The following LYPD6B variants were observed in gnomAD, a reference collection of about 807,000 sequenced individuals.
The protein encoded by LYPD6B is ly6/PLAUR domain-containing protein 6B.
A neutral mutation model predicts 22.8 loss-of-function variants in LYPD6B; 17 were observed. The ratio of observed to expected loss-of-function variants is 0.75; its 90% CI spans 0.51 to 1.12. The LOEUF (loss-of-function observed/expected upper bound fraction) is 1.12, where lower values mean the gene tolerates loss of function less well. Ranked by LOEUF, LYPD6B falls within the 50% of genes most tolerant of loss-of-function variation. LYPD6B has a pLI of 0.00. For missense variants in LYPD6B, 221 were observed against 258.3 expected, an observed-to-expected ratio of 0.86 and a Z score of 0.99; for synonymous variants, 106 against 91.6, an observed-to-expected ratio of 1.16 and a Z score of -0.90.
chr2:149,200,996 T>C (rs554998315), intron 3 of LYPD6B, among the ~76,000 whole-genome samples: 15 of 152,322 alleles, frequency 9.8e-5, no homozygotes, highest in African/African-American at 3.4e-4. Context: ...TGGATGAAGG[T>C]AATAAGCTCT....
chr2:149,184,375 C>T (rs897973440), intron 3 of LYPD6B, among the ~76,000 whole-genome samples: 1 of 152,128 alleles, frequency 6.6e-6, no homozygotes, highest in Non-Finnish European at 1.5e-5. Context: ...GTGAACTTTG[C>T]CAAGTTTTCT....
intron 2 of LYPD6B, among the ~76,000 whole-genome samples, chr2:149,137,956 T>A (rs987456069): frequency 6.6e-6 from 1 of 152,180 alleles, no homozygotes; most frequent in Non-Finnish European, 1.5e-5. Flanking sequence ...CTGGCTGACA[T>A]TAGGAGTTAA....
At chr2:149,100,356 A>G (rs1686136215) in intron 1 of LYPD6B, among the ~76,000 whole-genome samples, 1 of 149,268 alleles carries the variant, frequency 6.7e-6, no homozygotes, top group Admixed American at 6.8e-5. Flanking sequence ...TTAGTATTCA[A>G]AAGCAGCCCC....
At chr2:149,182,997 T>A (rs1691844483) in intron 3 of LYPD6B, among the ~76,000 whole-genome samples, 1 of 152,124 alleles carries the variant, frequency 6.6e-6, no homozygotes, top group African/African-American at 2.4e-5. Context: ...AATATACCAT[T>A]TTTTTTAGAT....
Position 149,215,158 on chromosome 2 carries a change from T to A in LYPD6B, c.*448T>A, listed in dbSNP as rs1440200453. 1 of 157,384 alleles carries A rather than the reference T, an allele frequency of 6.4e-6. No individual in the cohort carries two copies. The highest frequency in any genetic ancestry group is 2.4e-5 in the African/African-American group (1 of 41,610). 9.7% of individuals were successfully genotyped at this position (157,384 alleles called of 1,614,324 possible). ...GCAGTTTTCCCCACCAACAGCATAG[T>A]CAATGAGAAAGGCAACTGTACGAAG... On this transcript the variant is annotated 3_prime_UTR_variant, in exon 7 of 7. Transcript: ENST00000409642.
rs1255804512 is a variant in LYPD6B, at chr2:149,132,394, T to C, written c.5+1441T>C. 4.0e-5 allele frequency among the ~76,000 whole-genome samples: 6 copies of C among 151,386 alleles called. No homozygotes were observed. The East Asian group carries it at 9.7e-4, about 24-fold the overall frequency. On this transcript the variant is annotated intron_variant, in intron 2 of 6. Coordinates refer to ENST00000409642, the MANE Select transcript of LYPD6B (RefSeq NM_177964.5). The stretch of plus-strand genomic sequence containing the variant: ...AAGGAAAGGGACATAGAAAAGTACA[T>C]AGGTTAATGACAAGTGGAACATGAT...
intron 1 of LYPD6B, among the ~76,000 whole-genome samples, chr2:149,066,139 C>G (rs1028901927): frequency 6.6e-6 from 1 of 151,404 alleles, no homozygotes; most frequent in Non-Finnish European, 1.5e-5. Context: ...ACACTATGTT[C>G]TATTAACCAT....
intron 1 of LYPD6B, among the ~76,000 whole-genome samples, chr2:149,129,740 A>T (rs1256798968): frequency 6.6e-6 from 1 of 152,154 alleles, no homozygotes; most frequent in Non-Finnish European, 1.5e-5. Flanking sequence ...CTTATGGTGG[A>T]CTTTATGCAG....
At chr2:149,191,791 C>T (rs1436906094) in intron 3 of LYPD6B, among the ~76,000 whole-genome samples, 2 of 152,146 alleles carry the variant, frequency 1.3e-5, no homozygotes, top group Non-Finnish European at 2.9e-5. Flanking sequence ...AACGAAAGTA[C>T]TAGTAATAGC....
chr2:149,151,033 AAAAT>A (rs1421207280), intron 2 of LYPD6B, among the ~76,000 whole-genome samples: 2 of 152,310 alleles, frequency 1.3e-5, no homozygotes, highest in East Asian at 3.9e-4. Flanking sequence ...TTTTGAGAAA[AAAAT>A]ACAGTTTTTG....
Position 149,205,271 on chromosome 2 carries a change from C to A in LYPD6B, c.96C>A (p.Arg32=), listed in dbSNP as rs1237785495. 2.5e-6 allele frequency: 4 copies of A among 1,613,648 alleles called. No individual in the cohort carries two copies. The East Asian group carries it at 8.9e-5, about 36-fold the overall frequency. Residue 32 remains arginine, a synonymous_variant, in exon 4 of 7, where the codon CGC becomes CGA. Transcript: ENST00000409642. ...FSFSRYKSSD[R]PAHKVSMLLL... Reference sequence around the variant, plus strand: ...ACCATAGATATAAGAGTTCGGACCGCCCAGCACACAAGGTCAGCATGCTGC... The same window carrying A: ...ACCATAGATATAAGAGTTCGGACCGACCAGCACACAAGGTCAGCATGCTGC...
chr2:149,043,999 C>T (rs1369674260), intron 1 of LYPD6B, among the ~76,000 whole-genome samples: 1 of 152,062 alleles, frequency 6.6e-6, no homozygotes, highest in Non-Finnish European at 1.5e-5. Flanking sequence ...ATGCTTACTT[C>T]ATGCCAACAC....
intron 2 of LYPD6B, among the ~76,000 whole-genome samples, chr2:149,156,283 G>A (rs1689695341): frequency 6.6e-6 from 1 of 152,102 alleles, no homozygotes; most frequent in Non-Finnish European, 1.5e-5. Context: ...GACTTTCTTT[G>A]GATTTAGAGA....
chr2:149,117,376 T>C (rs896229981), intron 1 of LYPD6B, among the ~76,000 whole-genome samples: 1 of 152,028 alleles, frequency 6.6e-6, no homozygotes, highest in Non-Finnish European at 1.5e-5. Flanking sequence ...GTTCAAGTGA[T>C]TCTCGTGCCT....
chr2:149,070,200 C>T (rs755288204), intron 1 of LYPD6B, among the ~76,000 whole-genome samples: 3 of 152,078 alleles, frequency 2.0e-5, no homozygotes, highest in African/African-American at 4.8e-5. Flanking sequence ...TTCCCTAACA[C>T]GCCAGCCATG....
Position 149,068,064 on chromosome 2 carries a change from T to TA in LYPD6B, c.-67+29263_-67+29264insA, listed in dbSNP as rs1684424841. Among the ~76,000 whole-genome samples the TA allele has an allele frequency of 2.6e-5, 4 of 152,188 alleles. No homozygotes were observed. In the South Asian group the frequency reaches 8.3e-4, roughly 32 times the overall value. The stretch of plus-strand genomic sequence containing the variant: ...GTTTTTGTTTTTCGGGCTTCTTTAT[T>TA]GAGACTGGAAAAGTCTTTGCCCAAA... On this transcript the variant is annotated intron_variant, in intron 1 of 6. Coordinates refer to ENST00000409642, the MANE Select transcript of LYPD6B (RefSeq NM_177964.5).
chr2:149,169,893 C>A (rs1199682084), intron 3 of LYPD6B, among the ~76,000 whole-genome samples: 1 of 152,182 alleles, frequency 6.6e-6, no homozygotes, highest in East Asian at 1.9e-4. Flanking sequence ...CCCATCATTA[C>A]CACTCCCCCT....
intron 1 of LYPD6B, among the ~76,000 whole-genome samples, chr2:149,116,163 T>A (rs1365795802): frequency 6.6e-6 from 1 of 152,260 alleles, no homozygotes; most frequent in Non-Finnish European, 1.5e-5. Flanking sequence ...CATATTCACA[T>A]AACTTTTATT....
intron 3 of LYPD6B, among the ~76,000 whole-genome samples, chr2:149,185,656 A>G (rs1020000686): frequency 1.6e-4 from 25 of 152,146 alleles, no homozygotes; most frequent in African/African-American, 6.0e-4. Flanking sequence ...ACCTTGTTTT[A>G]TTGCATTTGG....
Sources: gnomAD v4.1 joint callset for allele counts (sites outside exome capture counted in the v4.1 genomes callset) on GRCh38, gnomAD v4.1.1 for gene constraint, MANE v1.5 for transcripts, NCBI Gene and HGNC (gene_info 2026-07-23, HGNC 2026-07-21) for gene names.